Variants in ORC4 observed in about 807,000 individuals in gnomAD.
The protein encoded by ORC4 is origin recognition complex, subunit 4 homolog.
In ORC4, 55 loss-of-function variants were observed where a neutral mutation model predicts 63.9. That is an observed-to-expected ratio of 0.86 (90% confidence interval 0.69 to 1.08). The LOEUF is 1.08. ORC4 is among the 50% of genes least tolerant of loss of function. The pLI is 0.00. For missense variants in ORC4, 511 were observed against 504.4 expected (o/e 1.01, Z -0.13); for synonymous variants, 150 against 168.5 (o/e 0.89, Z 0.85).
intron 2 of ORC4, 122 bp downstream of exon 2, chr2:147,975,780 A>C (rs1202215455): frequency 1.4e-6 from 1 of 729,322 alleles, no homozygotes; most frequent in Non-Finnish European, 2.5e-6. Context: ...ATATCTCCCT[A>C]AGGTTAGAAA....
In ORC4 at chr2:147,933,164, T is replaced by C. The variant is rs1158618004; in HGVS notation, c.*2346A>G. 1 of 152,124 alleles carries C rather than the reference T, an allele frequency of 6.6e-6. No individual in the cohort carries two copies. Among genetic ancestry groups the C allele is most frequent in the East Asian group, 1.9e-4 (1 of 5,190 alleles). 9.4% of individuals were successfully genotyped at this position (152,124 alleles called of 1,614,324 possible). A position where few individuals can be genotyped will look rare whatever the true frequency, so the allele number is the denominator to read the frequency against. The stretch of plus-strand genomic sequence containing the variant: ...AATCAGATTGAAAAGCAGGAGTTCA[T>C]GCATTTTTTGGTTCTATTTTTCCTC... On this transcript the variant is annotated 3_prime_UTR_variant, in exon 14 of 14. Transcript: ENST00000392857.
chr2:147,995,595 G>A (rs542848242), intron 1 of ORC4, among the ~76,000 whole-genome samples: 1 of 152,120 alleles, frequency 6.6e-6, no homozygotes, highest in Admixed American at 6.5e-5. Context: ...GAGGGTCTGC[G>A]GCTTCATTCC....
chr2:147,977,297 T>G (rs916835475), intron 1 of ORC4, among the ~76,000 whole-genome samples: 6 of 152,206 alleles, frequency 3.9e-5, no homozygotes, highest in African/African-American at 1.4e-4. Context: ...GCTAACACCC[T>G]GAATTTAGCT....
intron 1 of ORC4, among the ~76,000 whole-genome samples, chr2:148,008,520 T>C (rs1305954910): frequency 6.6e-6 from 1 of 152,176 alleles, no homozygotes; most frequent in Non-Finnish European, 1.5e-5. Flanking sequence ...GTTTTAAACT[T>C]AACTTCCTCG....
At chr2:148,004,790 C>T (rs573566190) in intron 1 of ORC4, among the ~76,000 whole-genome samples, 1 of 151,932 alleles carries the variant, frequency 6.6e-6, no homozygotes, top group Non-Finnish European at 1.5e-5. Flanking sequence ...ATGTGGCCAA[C>T]AAACATGTGA....
chr2:147,980,141 C>T (rs1690789216), intron 1 of ORC4, among the ~76,000 whole-genome samples: 1 of 152,068 alleles, frequency 6.6e-6, no homozygotes, highest in African/African-American at 2.4e-5. Flanking sequence ...AATCTTACAT[C>T]TGCTAACAGG....
intron 1 of ORC4, among the ~76,000 whole-genome samples, chr2:147,977,106 T>C (rs117589761): frequency 8.3e-4 from 127 of 152,328 alleles, no homozygotes; most frequent in Admixed American, 4.5e-3. Flanking sequence ...AAAACTATCA[T>C]GTGGAATAAC....
At chr2:147,988,299 A>G (rs1015877401) in intron 1 of ORC4, among the ~76,000 whole-genome samples, 3 of 152,042 alleles carry the variant, frequency 2.0e-5, no homozygotes, top group African/African-American at 7.2e-5. Flanking sequence ...TCAGCTCATT[A>G]ATACACAATG....
chr2:147,958,239 A>G (rs1689373515), intron 6 of ORC4, 59 bp downstream of exon 6: 1 of 1,034,958 alleles, frequency 9.7e-7, no homozygotes, highest in East Asian at 2.5e-5. Flanking sequence ...AAAAATATAC[A>G]TGGTATAAAG....
intron 9 of ORC4, 69 bp from the exon 10 acceptor site, chr2:147,943,591 G>A: frequency 1.2e-6 from 1 of 848,060 alleles, no homozygotes; most frequent in Non-Finnish European, 2.0e-6. Context: ...ATATAATCCT[G>A]TGCCTTACTG....
At chr2:147,987,177 T>G (rs561076785) in intron 1 of ORC4, among the ~76,000 whole-genome samples, 2 of 140,330 alleles carry the variant, frequency 1.4e-5, no homozygotes, top group African/African-American at 2.6e-5. Context: ...AACCTAAGAT[T>G]GAGATCTTTA....
At chr2:147,940,985 T>C (rs1300436483) in intron 10 of ORC4, among the ~76,000 whole-genome samples, 2 of 152,168 alleles carry the variant, frequency 1.3e-5, no homozygotes, top group African/African-American at 4.8e-5. Context: ...TCTATACTAT[T>C]AGGTTGGTGC....
chr2:147,943,530 GAAAAA>G lies in ORC4; in HGVS notation c.763-13_763-9del, dbSNP rs66919703. On this transcript the variant is annotated splice_polypyrimidine_tract_variant and intron_variant, in intron 9 of 13. Coordinates refer to ENST00000392857, the MANE Select transcript of ORC4 (RefSeq NM_181741.4). ...TCTATCTTCTGAGAGATACTAAAAG[GAAAAA>G]AAAAAAAAAAGCCAAAATTGAGGAA... 29 of 1,168,836 alleles carry G rather than the reference GAAAAA, an allele frequency of 2.5e-5. No homozygotes were observed. Among genetic ancestry groups the G allele is most frequent in the East Asian group, 4.9e-5 (2 of 40,912 alleles). 72.4% of individuals were successfully genotyped at this position (1,168,836 alleles called of 1,614,324 possible).
At chr2:147,989,754 C>A (rs186733219) in intron 1 of ORC4, among the ~76,000 whole-genome samples, 43 of 152,188 alleles carry the variant, frequency 2.8e-4, no homozygotes, top group African/African-American at 1.0e-3. Flanking sequence ...AAAAACCATG[C>A]ACCACTTTCC....
At chr2:147,994,375 G>A (rs978275112) in intron 1 of ORC4, among the ~76,000 whole-genome samples, 2 of 152,140 alleles carry the variant, frequency 1.3e-5, no homozygotes, top group African/African-American at 4.8e-5. Flanking sequence ...TACACAGAAA[G>A]ACCCAGGAGA....
At chr2:147,949,371 A>C (rs1185167547) in intron 8 of ORC4, among the ~76,000 whole-genome samples, 1 of 152,144 alleles carries the variant, frequency 6.6e-6, no homozygotes. Context: ...ATGATTCAAA[A>C]ATTACTAAAC....
intron 1 of ORC4, among the ~76,000 whole-genome samples, chr2:147,980,618 A>G (rs977932357): frequency 2.0e-5 from 3 of 152,200 alleles, no homozygotes; most frequent in African/African-American, 7.2e-5. Context: ...CAGTGTTACT[A>G]ATTGTCAGGG....
At chr2:147,947,508 C>A (rs548623298) in intron 9 of ORC4, among the ~76,000 whole-genome samples, 6 of 151,928 alleles carry the variant, frequency 3.9e-5, no homozygotes, top group East Asian at 1.9e-4. Flanking sequence ...TATGAACCTG[C>A]CTTTGTATCT....
chr2:147,997,952 T>C (rs189119686), intron 1 of ORC4, among the ~76,000 whole-genome samples: 1 of 152,300 alleles, frequency 6.6e-6, no homozygotes, highest in East Asian at 1.9e-4. Flanking sequence ...GCTCACCAGA[T>C]ATTGCAGCAG....
Sources: allele counts gnomAD v4.1 joint callset (sites outside exome capture counted in the v4.1 genomes callset), GRCh38; gene constraint gnomAD v4.1.1; transcripts MANE v1.5; gene names NCBI Gene and HGNC (gene_info 2026-07-23, HGNC 2026-07-21).